Variants in CAPN8 observed in about 807,000 individuals in gnomAD.
CAPN8 encodes calpain-8.
In CAPN8, 87 loss-of-function variants were observed where a neutral mutation model predicts 80.9. That is an observed-to-expected ratio of 1.07 (90% CI 0.90 to 1.28). CAPN8 has a LOEUF of 1.28. Among genes scored for constraint, CAPN8 ranks in the 50% most tolerant of loss-of-function variants. The pLI is 0.00. For synonymous variants in CAPN8, 299 were observed against 273.8 expected (o/e 1.09, Z -0.91); for missense variants, 757 against 702.0 (o/e 1.08, Z -0.89).
rs1013493643 is a variant in CAPN8, at chr1:223,665,410, C to T, written c.237G>A (p.Thr79=). 18 of 1,550,164 alleles carry T rather than the reference C, an allele frequency of 1.2e-5. No homozygotes were observed. The highest frequency in any genetic ancestry group is 3.9e-5 in the Admixed American group (2 of 50,972). Residue 79 remains threonine, a splice_region_variant and synonymous_variant, in exon 1 of 21, where the codon ACG becomes ACA. Coordinates refer to ENST00000366872, the MANE Select transcript of CAPN8 (RefSeq NM_001143962.2). ...CTCAACAGCAAGCCCGCTTCCTTACCGTGGGCCGCTTCCAGATGATGCCTT... is the reference window on the plus strand; with the variant it reads ...CTCAACAGCAAGCCCGCTTCCTTACTGTGGGCCGCTTCCAGATGATGCCTT... ...QTQGIIWKRP[T]ELCPSPQFIV...
At chr1:223,634,650 C>A (rs1258567295) in intron 2 of CAPN8, among the ~76,000 whole-genome samples, 1 of 152,180 alleles carries the variant, frequency 6.6e-6, no homozygotes, top group Admixed American at 6.5e-5. Context: ...GGCAAGAGCC[C>A]ACTTCCTTGT....
intron 2 of CAPN8, chr1:223,642,679 T>G (rs1377751006): frequency 1.5e-5 from 6 of 400,408 alleles, no homozygotes; most frequent in Non-Finnish European, 2.9e-5. Context: ...CATTTTTGCC[T>G]TACCTTCTAA....
At chr1:223,638,637 G>A (rs924714417) in intron 2 of CAPN8, among the ~76,000 whole-genome samples, 9 of 152,086 alleles carry the variant, frequency 5.9e-5, no homozygotes, top group South Asian at 2.1e-4. Context: ...CAGTGCCTCC[G>A]GGAATCGTAG....
chr1:223,649,695 G>A (rs778398005), intron 2 of CAPN8, among the ~76,000 whole-genome samples: 3 of 152,156 alleles, frequency 2.0e-5, no homozygotes, highest in African/African-American at 4.8e-5. Flanking sequence ...AAAGGAAAAT[G>A]AAAAATACAA....
intron 16 of CAPN8, among the ~76,000 whole-genome samples, chr1:223,548,956 G>T (rs61825160): frequency 0.24 from 35,635 of 149,934 alleles, 4,283 homozygotes; most frequent in East Asian, 0.31. Context: ...GGGTGGGGAC[G>T]GGTAGAATTG....
intron 16 of CAPN8, 21 bp downstream of exon 16, chr1:223,549,297 A>T: frequency 1.3e-6 from 2 of 1,543,458 alleles, no homozygotes; most frequent in Non-Finnish European, 1.7e-6. Context: ...AAAAAAAAAT[A>T]ATGCAACATT....
At chr1:223,660,267 T>C (rs1440637782) in intron 1 of CAPN8, among the ~76,000 whole-genome samples, 1 of 152,206 alleles carries the variant, frequency 6.6e-6, no homozygotes, top group East Asian at 1.9e-4. Context: ...TATCATTGAC[T>C]GCACTGCACC....
At chr1:223,545,558 G>A (rs894510227) in intron 16 of CAPN8, among the ~76,000 whole-genome samples, 24 of 152,146 alleles carry the variant, frequency 1.6e-4, no homozygotes, top group African/African-American at 5.6e-4. Context: ...CTGCAATATC[G>A]TGAATACCCT....
In CAPN8 at chr1:223,628,056, T is replaced by C. The variant is rs114162736; in HGVS notation, c.513A>G (p.Glu171=). The C allele has an allele frequency of 1.4e-3, 2,177 of 1,551,296 alleles. 25 individuals are homozygous for C. In the African/African-American group the frequency reaches 0.027, roughly 19 times the overall value. The change falls in exon 4 of 21, where the codon GAA becomes GAG. Residue 171 remains glutamate, a synonymous_variant. Transcript: ENST00000366872. ...GGGCACTCCAGAATTCATTGCCTTGTTCCGAGTGTAGGAAGAGCAGCTGTC... is the reference window on the plus strand; with the variant it reads ...GGGCACTCCAGAATTCATTGCCTTGCTCCGAGTGTAGGAAGAGCAGCTGTC... ...KNGQLLFLHS[E]QGNEFWSALL... is the part of the protein sequence containing the mutation.
intron 2 of CAPN8, among the ~76,000 whole-genome samples, chr1:223,630,943 A>T (rs1288694209): frequency 6.6e-6 from 1 of 152,100 alleles, no homozygotes; most frequent in Non-Finnish European, 1.5e-5. Context: ...TCTTCTATGA[A>T]CACCTGTGAT....
intron 2 of CAPN8, among the ~76,000 whole-genome samples, chr1:223,647,464 A>C (rs556293564): frequency 1.3e-5 from 2 of 152,216 alleles, no homozygotes; most frequent in Non-Finnish European, 2.9e-5. Flanking sequence ...ACTGAGCACT[A>C]ATCAGAGCCT....
chr1:223,662,099 G>A (rs1658661344), intron 1 of CAPN8, among the ~76,000 whole-genome samples: 1 of 152,176 alleles, frequency 6.6e-6, no homozygotes, highest in Non-Finnish European at 1.5e-5. Context: ...CCACTTATAT[G>A]AGGTACCCAA....
Position 223,665,697 on chromosome 1 carries a change from C to T in CAPN8, c.-51G>A, listed in dbSNP as rs1658770618. 3.6e-6 allele frequency: 5 copies of T among 1,405,674 alleles called. No homozygotes were observed. In the South Asian group the frequency reaches 6.2e-5, roughly 17 times the overall value. 87.1% of individuals were successfully genotyped at this position (1,405,674 alleles called of 1,614,324 possible). On this transcript the variant is annotated 5_prime_UTR_variant, in exon 1 of 21. Transcript: ENST00000366872. ...GAAGGGCAGGGCTGCACTGTACTCT[C>T]AGACACCTGCTCCACTGGGAGGGGA...
chr1:223,618,692 G>C (rs927768646), intron 9 of CAPN8, among the ~76,000 whole-genome samples: 1 of 152,236 alleles, frequency 6.6e-6, no homozygotes, highest in Non-Finnish European at 1.5e-5. Flanking sequence ...GCCAAGAGCA[G>C]GGCTAGTGTG....
chr1:223,556,319 G>A (rs1447911732), intron 13 of CAPN8, among the ~76,000 whole-genome samples: 1 of 152,198 alleles, frequency 6.6e-6, no homozygotes, highest in Non-Finnish European at 1.5e-5. Flanking sequence ...GTGTGTGTGT[G>A]TGTCAGTCAC....
chr1:223,657,507 C>T lies in CAPN8; in HGVS notation c.238-3108G>A, dbSNP rs541134800. On this transcript the variant is annotated intron_variant, in intron 1 of 20. Transcript: ENST00000366872. ...CTTGGCTGGGCATGGTGACTCACAC[C>T]TGTAATCCCAGCACTTTGAGAGGCC... Among the ~76,000 whole-genome samples the T allele has an allele frequency of 2.0e-5, 3 of 152,314 alleles. No individual in the cohort carries two copies. In the South Asian group the frequency reaches 6.2e-4, roughly 32 times the overall value.
chr1:223,550,618 T>C (rs1656757326), intron 15 of CAPN8, among the ~76,000 whole-genome samples: 1 of 152,150 alleles, frequency 6.6e-6, no homozygotes. Flanking sequence ...GTATCCAAGT[T>C]ATTAATTTTG....
At chr1:223,551,042 A>C (rs1443645847) in intron 14 of CAPN8, 25 bp from the exon 15 acceptor site, 1 of 717,472 alleles carries the variant, frequency 1.4e-6, no homozygotes, top group Non-Finnish European at 2.6e-6. Flanking sequence ...CCAAATGCAA[A>C]TCATGTCAGG....
intron 2 of CAPN8, among the ~76,000 whole-genome samples, chr1:223,653,687 C>T (rs2102735339): frequency 6.6e-6 from 1 of 152,260 alleles, no homozygotes; most frequent in South Asian, 2.1e-4. Flanking sequence ...TCTGTGAAGC[C>T]TTGGTATCGG....
Sources: gnomAD v4.1 joint callset for allele counts (sites outside exome capture counted in the v4.1 genomes callset) on GRCh38, gnomAD v4.1.1 for gene constraint, MANE v1.5 for transcripts, NCBI Gene and HGNC (gene_info 2026-07-23, HGNC 2026-07-21) for gene names.